The following KCNH7 variants were observed in gnomAD, a reference collection of about 807,000 sequenced individuals.
The protein encoded by KCNH7 is voltage-gated inwardly rectifying potassium channel KCNH7.
Under a neutral mutation model 120.8 loss-of-function variants are expected in KCNH7, and 49 were observed. The observed-to-expected ratio is 0.41, with a 90% CI of 0.32 to 0.51. The LOEUF is 0.51. KCNH7 is among the 20% of genes least tolerant of loss of function. The pLI is 0.38. For synonymous variants in KCNH7, 547 were observed against 516.1 expected (o/e 1.06, Z -0.81); for missense variants, 1,097 against 1,446.6 (o/e 0.76, Z 3.92).
chr2:162,752,924 A>AAAAGG lies in KCNH7; in HGVS notation c.307+83612_307+83613insCCTTT, dbSNP rs1310967767. On this transcript the variant is annotated intron_variant, in intron 2 of 15. Transcript: ENST00000332142. ...TCAGAAAAAGAAAAGAAAAGAAAAG[A>AAAAGG]AAAGAAAAGAAAAGAAAAGAAAAGA... 1.9e-4 allele frequency among the ~76,000 whole-genome samples: 14 copies of AAAAGG among 73,476 alleles called. No homozygotes were observed. In the East Asian group the frequency reaches 4.9e-3, roughly 26 times the overall value. The allele number at this position is 73,476 out of a possible 152,430, so 48.2% of individuals were successfully genotyped here.
At chr2:162,697,514 T>C (rs1686335200) in intron 2 of KCNH7, among the ~76,000 whole-genome samples, 1 of 152,022 alleles carries the variant, frequency 6.6e-6, no homozygotes. Context: ...CAAAAAGAAA[T>C]TCTAATTGAT....
At chr2:162,405,450 CA>C (rs1296890873) in intron 9 of KCNH7, among the ~76,000 whole-genome samples, 1 of 151,710 alleles carries the variant, frequency 6.6e-6, no homozygotes, top group African/African-American at 2.4e-5. Flanking sequence ...AAAGAGAGAG[CA>C]AAAATGAAAG....
Position 162,720,501 on chromosome 2 carries a change from T to C in KCNH7, c.307+116036A>G, listed in dbSNP as rs533338814. On this transcript the variant is annotated intron_variant, in intron 2 of 15. Transcript: ENST00000332142. ...TCTATTTTTAAAAAATCTACATATG[T>C]ATATCCATTTATACATATGCAGGTT... 1.2e-4 allele frequency among the ~76,000 whole-genome samples: 18 copies of C among 152,132 alleles called. No individual in the cohort carries two copies. The South Asian group carries it at 3.7e-3, about 32-fold the overall frequency.
At chr2:162,752,943 G>A (rs1036490698) in intron 2 of KCNH7, among the ~76,000 whole-genome samples, 1 of 98,986 alleles carries the variant, frequency 1.0e-5, no homozygotes, top group Non-Finnish European at 1.8e-5. Context: ...GAAAAGAAAA[G>A]AAAAGAAAAG....
At chr2:162,804,449 T>C (rs756042088) in intron 2 of KCNH7, among the ~76,000 whole-genome samples, 126 of 151,716 alleles carry the variant, frequency 8.3e-4, no homozygotes, top group Non-Finnish European at 1.5e-3. Flanking sequence ...AAGCTGAGAA[T>C]CAAATGAAGA....
intron 2 of KCNH7, among the ~76,000 whole-genome samples, chr2:162,687,210 C>T (rs1007173387): frequency 6.6e-5 from 10 of 152,082 alleles, no homozygotes; most frequent in East Asian, 1.9e-4. Flanking sequence ...ACAACCTTGA[C>T]GATTTGCGTT....
At chr2:162,609,582 G>C (rs925613556) in intron 2 of KCNH7, among the ~76,000 whole-genome samples, 11 of 152,126 alleles carry the variant, frequency 7.2e-5, no homozygotes, top group Non-Finnish European at 8.8e-5. Flanking sequence ...CACTGTGAAG[G>C]CATTTTAGGT....
intron 2 of KCNH7, among the ~76,000 whole-genome samples, chr2:162,550,922 C>T (rs192403160): frequency 1.0e-4 from 15 of 148,980 alleles, no homozygotes; most frequent in African/African-American, 3.7e-4. Context: ...TAATAAGGCA[C>T]TACATTTTTC....
At chr2:162,462,441 A>T (rs1205038137) in intron 6 of KCNH7, among the ~76,000 whole-genome samples, 2 of 152,028 alleles carry the variant, frequency 1.3e-5, no homozygotes, top group African/African-American at 2.4e-5. Context: ...AATCCCTAAC[A>T]TAAGGCTTGG....
intron 2 of KCNH7, among the ~76,000 whole-genome samples, chr2:162,794,525 T>C (rs1684069646): frequency 6.6e-6 from 1 of 152,112 alleles, no homozygotes; most frequent in Non-Finnish European, 1.5e-5. Context: ...ACTTATACAT[T>C]AACTACCAGA....
intron 2 of KCNH7, among the ~76,000 whole-genome samples, chr2:162,695,564 C>T (rs1179571883): frequency 6.6e-6 from 1 of 152,236 alleles, no homozygotes; most frequent in South Asian, 2.1e-4. Context: ...CATCTGATGA[C>T]CCTGAGAATC....
intron 7 of KCNH7, among the ~76,000 whole-genome samples, chr2:162,436,497 T>C (rs1419527424): frequency 6.6e-6 from 1 of 152,174 alleles, no homozygotes; most frequent in African/African-American, 2.4e-5. Flanking sequence ...AATAACAGGA[T>C]ACTTAACTGG....
chr2:162,769,387 C>CT (rs984739737), intron 2 of KCNH7, among the ~76,000 whole-genome samples: 4 of 152,032 alleles, frequency 2.6e-5, no homozygotes, highest in African/African-American at 7.2e-5. Flanking sequence ...CTAATTAGAG[C>CT]TTTTTTTGGC....
intron 2 of KCNH7, among the ~76,000 whole-genome samples, chr2:162,539,839 C>T (rs13404874): frequency 0.19 from 28,891 of 151,810 alleles, 4,903 homozygotes; most frequent in African/African-American, 0.45. Flanking sequence ...CATAGCCTCC[C>T]GGAAGGCAGA....
At chr2:162,469,972 G>A (rs1220619948) in intron 6 of KCNH7, among the ~76,000 whole-genome samples, 1 of 152,240 alleles carries the variant, frequency 6.6e-6, no homozygotes, top group Non-Finnish European at 1.5e-5. Context: ...GCCTCCCGAG[G>A]TGCCGGGATT....
At chr2:162,819,484 G>T (rs1210922724) in intron 2 of KCNH7, among the ~76,000 whole-genome samples, 2 of 152,114 alleles carry the variant, frequency 1.3e-5, no homozygotes, top group Non-Finnish European at 1.5e-5. Flanking sequence ...TTATAGGAGG[G>T]TTCATTGTAA....
chr2:162,492,534 C>G (rs1255709324), intron 6 of KCNH7, among the ~76,000 whole-genome samples: 1 of 152,174 alleles, frequency 6.6e-6, no homozygotes, highest in African/African-American at 2.4e-5. Context: ...CCATGAACAA[C>G]TTCTAGCTTC....
chr2:162,720,364 GA>G (rs1242952002), intron 2 of KCNH7, among the ~76,000 whole-genome samples: 1 of 146,072 alleles, frequency 6.8e-6, no homozygotes, highest in Non-Finnish European at 1.5e-5. Context: ...GAGAGACAAT[GA>G]ACCAAAGGAT....
rs1041130662 is a variant in KCNH7, at chr2:162,375,771, G to A, written c.3132-2109C>T. On this transcript the variant is annotated intron_variant, in intron 14 of 15. Coordinates refer to ENST00000332142, the MANE Select transcript of KCNH7 (RefSeq NM_033272.4). ...GGCAAAATCCTCAATAATTAGCCAGGTGTGGTGGTGTGCACCTGTGGTCCC... is the reference window on the plus strand; with the variant it reads ...GGCAAAATCCTCAATAATTAGCCAGATGTGGTGGTGTGCACCTGTGGTCCC... Among the ~76,000 whole-genome samples, 5 of 151,968 alleles carry A rather than the reference G, an allele frequency of 3.3e-5. No homozygotes were observed. The East Asian group carries it at 7.8e-4, about 24-fold the overall frequency.
Sources: allele counts gnomAD v4.1 joint callset (sites outside exome capture counted in the v4.1 genomes callset), GRCh38; gene constraint gnomAD v4.1.1; transcripts MANE v1.5; gene names NCBI Gene and HGNC (gene_info 2026-07-23, HGNC 2026-07-21).